The following VIPR1 variants were observed in gnomAD, a reference collection of about 807,000 sequenced individuals.
VIPR1 encodes vasoactive intestinal peptide receptor 1.
A neutral mutation model predicts 58.8 loss-of-function variants in VIPR1; 59 were observed. The observed-to-expected ratio is 1.00, with a 90% CI of 0.81 to 1.25. The LOEUF (loss-of-function observed/expected upper bound fraction) is 1.25. VIPR1 is among the 50% of genes most tolerant of loss of function. The pLI is 0.00. For missense variants in VIPR1, 626 were observed against 602.7 expected, an observed-to-expected ratio of 1.04 and a Z score of -0.40; for synonymous variants, 251 against 242.1, an observed-to-expected ratio of 1.04 and a Z score of -0.34.
At chr3:42,526,066 C>A in intron 4 of VIPR1, 73 bp downstream of exon 4, 1 of 1,401,972 alleles carries the variant, frequency 7.1e-7, no homozygotes, top group Non-Finnish European at 9.8e-7. Context: ...TCTCTCCCAC[C>A]GAGGGGTGTG....
chr3:42,522,101 ATTTTTTT>A lies in VIPR1; in HGVS notation c.292+2794_292+2800del, dbSNP rs1158302778. 2.5e-3 allele frequency among the ~76,000 whole-genome samples: 88 copies of A among 35,326 alleles called. 1 individual carries two copies. The highest frequency in any genetic ancestry group is 6.5e-3 in the African/African-American group (60 of 9,292). The allele number at this position is 35,326 out of a possible 152,430, so 23.2% of individuals were successfully genotyped here. A position where few individuals can be genotyped will look rare whatever the true frequency, so the allele number is the denominator to read the frequency against. On this transcript the variant is annotated intron_variant, in intron 3 of 12. Coordinates refer to ENST00000325123, the MANE Select transcript of VIPR1 (RefSeq NM_004624.4). ...TTCGAATATATATATATATATATAT[ATTTTTTT>A]TTTTTTTTTTTTTTTTTTTTTTAGA...
intron 2 of VIPR1, among the ~76,000 whole-genome samples, chr3:42,517,388 G>A (rs989417609): frequency 2.6e-5 from 4 of 152,220 alleles, no homozygotes; most frequent in African/African-American, 7.2e-5. Context: ...AAATCTATGG[G>A]ACTGGCAGGA....
intron 10 of VIPR1, chr3:42,533,592 G>A (rs1450784827): frequency 6.6e-6 from 1 of 152,282 alleles, no homozygotes; most frequent in African/African-American, 2.4e-5. Context: ...AGGTCTGTGT[G>A]GTGAGACAGA....
chr3:42,513,808 G>A lies in VIPR1; in HGVS notation c.138G>A (p.Gln46=). The change falls in exon 2 of 13, where the codon CAG becomes CAA. Residue 46 remains glutamine, a synonymous_variant. Coordinates refer to ENST00000325123, the MANE Select transcript of VIPR1 (RefSeq NM_004624.4). Reference sequence around the variant, plus strand: ...ACTATGTGCAGATGATCGAGGTGCAGCACAAGCAGTGCCTGGAGGAGGCCC... The same window carrying A: ...ACTATGTGCAGATGATCGAGGTGCAACACAAGCAGTGCCTGGAGGAGGCCC... The part of the protein sequence containing the change: ...ECDYVQMIEV[Q]HKQCLEEAQL... The A allele has an allele frequency of 6.4e-7, 1 of 1,551,706 alleles. No homozygotes were observed. Among genetic ancestry groups the A allele is most frequent in the Non-Finnish European group, 8.7e-7 (1 of 1,146,976 alleles).
upstream of VIPR1, chr3:42,502,565 G>T: frequency 4.6e-6 from 2 of 438,244 alleles, no homozygotes; most frequent in Non-Finnish European, 7.3e-6. Flanking sequence ...TAGATCCGCC[G>T]CCCGTCAGAC....
At chr3:42,524,597 G>T (rs1325606188) in intron 3 of VIPR1, among the ~76,000 whole-genome samples, 1 of 152,232 alleles carries the variant, frequency 6.6e-6, no homozygotes, top group Admixed American at 6.5e-5. Flanking sequence ...GGGTTGCCAG[G>T]AGGATTTACA....
At chr3:42,523,331 T>A (rs75498396) in intron 3 of VIPR1, among the ~76,000 whole-genome samples, 12,842 of 152,052 alleles carry the variant, frequency 0.084, 555 homozygotes, top group African/African-American at 0.099. Flanking sequence ...GCCCCAGAGA[T>A]GACCCATTGT....
intron 1 of VIPR1, among the ~76,000 whole-genome samples, chr3:42,510,065 A>G (rs1700291927): frequency 6.6e-6 from 1 of 152,204 alleles, no homozygotes; most frequent in African/African-American, 2.4e-5. Context: ...CTGGCATTCC[A>G]GGCCCTTCCC....
At chr3:42,508,645 C>T (rs777048320) in intron 1 of VIPR1, among the ~76,000 whole-genome samples, 1 of 152,182 alleles carries the variant, frequency 6.6e-6, no homozygotes, top group Non-Finnish European at 1.5e-5. Context: ...TTAGTGCTCT[C>T]TGCAAAGCTG....
intron 1 of VIPR1, chr3:42,513,309 C>A (rs1577215499): frequency 6.5e-6 from 1 of 153,746 alleles, no homozygotes; most frequent in Non-Finnish European, 1.4e-5. Flanking sequence ...CCCTGGGAAC[C>A]AGAGGCCAGG....
chr3:42,512,114 A>T (rs541750858), intron 1 of VIPR1: 1 of 152,356 alleles, frequency 6.6e-6, no homozygotes, highest in African/African-American at 2.4e-5. Flanking sequence ...GCTCGTGCTC[A>T]CTGTGGCTTC....
Position 42,530,801 on chromosome 3 carries a change from T to G in VIPR1, c.659T>G (p.Val220Gly). ...EGSVGCKAAM[V>G]FFQYCVMANF... is the part of the protein sequence containing the mutation. ...CAGGTGGGCTGTAAGGCAGCCATGG[T>G]CTTTTTCCAATATTGTGTCATGGCT... Residue 220 changes from valine to glycine, a missense_variant, in exon 7 of 13, where the codon GTC becomes GGC. Transcript: ENST00000325123. 1 of 1,614,110 alleles carries G rather than the reference T, an allele frequency of 6.2e-7. No homozygotes were observed. Among genetic ancestry groups the G allele is most frequent in the Non-Finnish European group, 8.5e-7 (1 of 1,179,962 alleles).
In VIPR1 at chr3:42,519,213, AC is replaced by A. The variant is rs759085098; in HGVS notation, c.185-5del. 6 of 1,600,612 alleles carry A rather than the reference AC, an allele frequency of 3.7e-6. No homozygotes were observed. Among genetic ancestry groups the A allele is most frequent in the African/African-American group, 1.3e-5 (1 of 74,516 alleles). The stretch of plus-strand genomic sequence containing the variant: ...TGCTCACCCATGTGTCTTCTGCCTT[AC>A]CCCCATAGGCTGCAGCAAGATGTGG... On this transcript the variant is annotated splice_polypyrimidine_tract_variant and intron_variant, in intron 2 of 12. Coordinates refer to ENST00000325123, the MANE Select transcript of VIPR1 (RefSeq NM_004624.4).
At chr3:42,489,346 A>T (rs1295576472) in exon 1 of VIPR1, 1 of 152,292 alleles carries the variant, frequency 6.6e-6, no homozygotes, top group Middle Eastern at 3.4e-3. Context: ...CCACAGTTCC[A>T]GCAAAAGCCC....
intron 4 of VIPR1, 22 bp from the exon 5 acceptor site, chr3:42,527,371 C>T: frequency 6.2e-7 from 1 of 1,609,166 alleles, no homozygotes; most frequent in South Asian, 1.1e-5. Flanking sequence ...CACCCAAGAG[C>T]CTCTCCCTGT....
At chr3:42,504,624 A>G (rs1394668171) in intron 1 of VIPR1, among the ~76,000 whole-genome samples, 1 of 151,626 alleles carries the variant, frequency 6.6e-6, no homozygotes, top group East Asian at 1.9e-4. Context: ...AAGGGACTCA[A>G]CCAGGACTGG....
At chr3:42,523,092 C>CCCG (rs1553638541) in intron 3 of VIPR1, among the ~76,000 whole-genome samples, 10 of 151,392 alleles carry the variant, frequency 6.6e-5, no homozygotes, top group African/African-American at 2.4e-4. Context: ...TGACCCCGCC[C>CCCG]CCAGTGGAGT....
chr3:42,536,107 G>A lies in VIPR1; in HGVS notation c.1200G>A (p.Arg400=), dbSNP rs773070963. ...TCTCCTAGGTGCAGGCGGAGCTGAGGCGGAAGTGGCGGCGCTGGCACCTGC... is the reference window on the plus strand; with the variant it reads ...TCTCCTAGGTGCAGGCGGAGCTGAGACGGAAGTGGCGGCGCTGGCACCTGC... ...FLNGEVQAEL[R]RKWRRWHLQG... The change falls in exon 13 of 13, where the codon AGG becomes AGA. Residue 400 remains arginine, a synonymous_variant. Coordinates refer to ENST00000325123, the MANE Select transcript of VIPR1 (RefSeq NM_004624.4). The A allele has an allele frequency of 4.4e-6, 7 of 1,599,928 alleles. No individual in the cohort carries two copies. The highest frequency in any genetic ancestry group is 6.0e-6 in the Non-Finnish European group (7 of 1,173,858).
rs140984283 is a variant in VIPR1, at chr3:42,513,831, C to A, written c.161C>A (p.Ala54Asp). The A allele has an allele frequency of 2.4e-3, 3,765 of 1,551,556 alleles. 7 individuals carry two copies. Among genetic ancestry groups the A allele is most frequent in the Non-Finnish European group, 3.1e-3 (3,589 of 1,146,912 alleles). Residue 54 changes from alanine (A) to aspartate (D), a missense_variant, in exon 2 of 13, where the codon GCC becomes GAC. Coordinates refer to ENST00000325123, the MANE Select transcript of VIPR1 (RefSeq NM_004624.4). ...EVQHKQCLEE[A>D]QLENETIGCS... ...CAGCACAAGCAGTGCCTGGAGGAGG[C>A]CCAGCTGGAGAATGAGACAATAGGT...
Sources: allele counts gnomAD v4.1 joint callset (sites outside exome capture counted in the v4.1 genomes callset), GRCh38; gene constraint gnomAD v4.1.1; transcripts MANE v1.5; gene names NCBI Gene and HGNC (gene_info 2026-07-23, HGNC 2026-07-21).